Variants in FAT3 observed in about 807,000 individuals in gnomAD.
FAT3 encodes the protein FAT atypical cadherin 3.
In FAT3, 95 loss-of-function variants were observed where a neutral mutation model predicts 310.2. The observed-to-expected ratio is 0.31, with a 90% CI of 0.26 to 0.36. FAT3 has a LOEUF of 0.36. Ranked by LOEUF, FAT3 falls within the 10% of genes least tolerant of loss-of-function variation. The pLI is 1.00. For missense variants in FAT3, 5,408 were observed against 5,715.6 expected (o/e 0.95, Z 1.74); for synonymous variants, 2,314 against 2,192.9 (o/e 1.06, Z -1.54).
chr11:92,361,916 G>T (rs376114213), intron 2 of FAT3, among the ~76,000 whole-genome samples: 3 of 152,248 alleles, frequency 2.0e-5, no homozygotes, highest in Non-Finnish European at 4.4e-5. Context: ...GCAGATGCAA[G>T]AGATGATGCT....
intron 4 of FAT3, among the ~76,000 whole-genome samples, chr11:92,706,452 C>G (rs919434962): frequency 2.0e-5 from 3 of 151,980 alleles, no homozygotes; most frequent in African/African-American, 7.3e-5. Flanking sequence ...TTCTACCTGC[C>G]CCTTCTCCTA....
rs116812889 is a variant in FAT3 at position 92,868,079 on chromosome 11, C to T, written c.12127+870C>T. 8.6e-3 allele frequency among the ~76,000 whole-genome samples: 1,306 copies of T among 152,262 alleles called. 21 individuals carry two copies. Among genetic ancestry groups the T allele is most frequent in the African/African-American group, 0.03 (1,229 of 41,536 alleles). On this transcript the variant is annotated intron_variant, in intron 22 of 27. Coordinates refer to ENST00000525166, the MANE Select transcript of FAT3 (RefSeq NM_001367949.2). Reference sequence around the variant, plus strand: ...GCTCCCGGTTGAAGGCTTGCCACCTCGCAACAGCCCAACCACTGATTCCAC... The same window carrying T: ...GCTCCCGGTTGAAGGCTTGCCACCTTGCAACAGCCCAACCACTGATTCCAC...
At chr11:92,516,129 C>T (rs899387212) in intron 2 of FAT3, among the ~76,000 whole-genome samples, 6 of 152,142 alleles carry the variant, frequency 3.9e-5, no homozygotes, top group African/African-American at 9.7e-5. Flanking sequence ...TCTTCCCTAA[C>T]TCATGTTATG....
At chr11:92,649,742 T>C (rs909086043) in intron 3 of FAT3, among the ~76,000 whole-genome samples, 1 of 151,956 alleles carries the variant, frequency 6.6e-6, no homozygotes, top group Non-Finnish European at 1.5e-5. Context: ...CTGCCTTAGG[T>C]ACGTTCTTAT....
chr11:92,842,054 C>G (rs1412167386), intron 18 of FAT3, among the ~76,000 whole-genome samples: 1 of 152,330 alleles, frequency 6.6e-6, no homozygotes, highest in South Asian at 2.1e-4. Flanking sequence ...GGCACACAGC[C>G]TCCTTCATTC....
intron 1 of FAT3, among the ~76,000 whole-genome samples, chr11:92,252,027 G>A (rs1423255704): frequency 6.6e-6 from 1 of 152,230 alleles, no homozygotes; most frequent in East Asian, 1.9e-4. Context: ...TACTTTTAGA[G>A]ATGTTTAGGT....
At chr11:92,487,924 C>G (rs1274628691) in intron 2 of FAT3, among the ~76,000 whole-genome samples, 1 of 152,208 alleles carries the variant, frequency 6.6e-6, no homozygotes, top group Non-Finnish European at 1.5e-5. Context: ...CCCCACGATC[C>G]CTGTCCCTTG....
At chr11:92,583,668 A>G (rs1219358436) in intron 3 of FAT3, among the ~76,000 whole-genome samples, 1 of 151,878 alleles carries the variant, frequency 6.6e-6, no homozygotes, top group African/African-American at 2.4e-5. Context: ...TAAAGCTCCA[A>G]AAGGAGCTCT....
chr11:92,572,848 C>A (rs867909398), intron 3 of FAT3, among the ~76,000 whole-genome samples: 4 of 152,250 alleles, frequency 2.6e-5, no homozygotes, highest in Non-Finnish European at 4.4e-5. Flanking sequence ...TGAAAACATG[C>A]AGTAGCTTGC....
intron 5 of FAT3, among the ~76,000 whole-genome samples, chr11:92,762,449 A>G (rs1173043569): frequency 6.6e-6 from 1 of 152,188 alleles, no homozygotes; most frequent in Non-Finnish European, 1.5e-5. Flanking sequence ...CTCTTTCTGC[A>G]GCCCTAAATC....
chr11:92,639,023 T>C (rs754327412), intron 3 of FAT3, among the ~76,000 whole-genome samples: 55 of 152,320 alleles, frequency 3.6e-4, no homozygotes, highest in Middle Eastern at 3.4e-3. Flanking sequence ...CACATTTCTC[T>C]AGGTTAATGC....
At chr11:92,304,617 G>A (rs1338132316) in intron 1 of FAT3, among the ~76,000 whole-genome samples, 1 of 152,062 alleles carries the variant, frequency 6.6e-6, no homozygotes, top group Non-Finnish European at 1.5e-5. Context: ...ATGTGAAGAG[G>A]CAAAAATGAC....
At chr11:92,478,392 G>T (rs538370879) in intron 2 of FAT3, among the ~76,000 whole-genome samples, 11 of 152,164 alleles carry the variant, frequency 7.2e-5, no homozygotes, top group African/African-American at 2.6e-4. Context: ...CATGAAGCTT[G>T]GTGTCCATCT....
At chr11:92,878,668 G>GAAAAAAAAAAA (rs1565672675) in intron 22 of FAT3, among the ~76,000 whole-genome samples, 1 of 72,630 alleles carries the variant, frequency 1.4e-5, no homozygotes, top group African/African-American at 7.0e-5. Flanking sequence ...AAAAAAAAAA[G>GAAAAAAAAAAA]CTCCGCACAA....
chr11:92,242,245 A>G (rs1864695313), intron 1 of FAT3, among the ~76,000 whole-genome samples: 2 of 152,160 alleles, frequency 1.3e-5, no homozygotes, highest in African/African-American at 4.8e-5. Flanking sequence ...TTAGACTTTT[A>G]TAAAACAGAC....
Position 92,472,722 on chromosome 11 carries a change from C to T in FAT3, c.3293-51912C>T, listed in dbSNP as rs186625638. ...CTGAATTCACTTGTCAGTGTAAACA[C>T]GACATAGCTGTCATGGCCTCCAGAG... On this transcript the variant is annotated intron_variant, in intron 2 of 27. Transcript: ENST00000525166. Among the ~76,000 whole-genome samples, 1,017 of 152,334 alleles carry T rather than the reference C, an allele frequency of 6.7e-3. 7 individuals carry two copies. The highest frequency in any genetic ancestry group is 0.02 in the Middle Eastern group (6 of 294).
chr11:92,417,120 G>A (rs1364752459), intron 2 of FAT3, among the ~76,000 whole-genome samples: 1 of 152,176 alleles, frequency 6.6e-6, no homozygotes, highest in Non-Finnish European at 1.5e-5. Context: ...CACTGTTTTT[G>A]CATAACCTGC....
Position 92,482,063 on chromosome 11 carries a change from A to G in FAT3, c.3293-42571A>G, listed in dbSNP as rs138474184. 1.7e-3 allele frequency among the ~76,000 whole-genome samples: 257 copies of G among 152,236 alleles called. 1 individual carries two copies. Among genetic ancestry groups the G allele is most frequent in the African/African-American group, 5.9e-3 (247 of 41,552 alleles). On this transcript the variant is annotated intron_variant, in intron 2 of 27. Transcript: ENST00000525166. Reference sequence around the variant, plus strand: ...AGAGAAATTGGGTAAGACTATATATATGTTCTTAAACGTGGTCTTTTTTTT... The same window carrying G: ...AGAGAAATTGGGTAAGACTATATATGTGTTCTTAAACGTGGTCTTTTTTTT...
At chr11:92,428,528 A>G (rs1403130239) in intron 2 of FAT3, among the ~76,000 whole-genome samples, 2 of 152,130 alleles carry the variant, frequency 1.3e-5, no homozygotes, top group Non-Finnish European at 2.9e-5. Flanking sequence ...TTAGTGCTGT[A>G]AATTTCCCTC....
Sources: allele counts gnomAD v4.1 joint callset (sites outside exome capture counted in the v4.1 genomes callset), GRCh38; gene constraint gnomAD v4.1.1; transcripts MANE v1.5; gene names NCBI Gene and HGNC (gene_info 2026-07-23, HGNC 2026-07-21).